The following FAT1 variants were observed in gnomAD, a reference collection of about 807,000 sequenced individuals.
FAT1 encodes FAT atypical cadherin 1.
FAT1 carries 171 observed loss-of-function variants against 329.8 expected under a neutral mutation model. The observed-to-expected ratio is 0.52, with a 90% CI of 0.46 to 0.59. FAT1 has a LOEUF of 0.59. Ranked by LOEUF, FAT1 falls within the 20% of genes least tolerant of loss-of-function variation. The pLI is 0.00. For missense variants in FAT1, 5,672 were observed against 5,774.4 expected (o/e 0.98, Z 0.57); for synonymous variants, 2,233 against 2,228.6 (o/e 1.00, Z -0.06).
At position 186,709,444 on chromosome 4, in the gene FAT1, A is replaced by G. The variant is rs1744838025; in HGVS notation, c.384T>C (p.Asn128=). The G allele has an allele frequency of 3.1e-6, 5 of 1,613,882 alleles. No individual in the cohort carries two copies. The highest frequency in any genetic ancestry group is 1.7e-4 in the Middle Eastern group (1 of 6,060). Residue 128 remains asparagine (N), a synonymous_variant, in exon 2 of 27, where the codon AAT becomes AAC. Coordinates refer to ENST00000441802, the MANE Select transcript of FAT1 (RefSeq NM_005245.4). ...CCCTGACCTTTGTTCGCGCCTCCAC[A>G]TTAGTATTTTTTTCAAGTGCTTTCA... ...LIVKALEKNT[N]VEARTKVRVQ...
At chr4:186,716,645 T>C (rs1221854305) in intron 1 of FAT1, among the ~76,000 whole-genome samples, 1 of 152,212 alleles carries the variant, frequency 6.6e-6, no homozygotes, top group Non-Finnish European at 1.5e-5. Context: ...CTCGAACTCC[T>C]GAGCTCAACT....
At chr4:186,652,108 G>C (rs1158203504) in intron 3 of FAT1, among the ~76,000 whole-genome samples, 1 of 152,200 alleles carries the variant, frequency 6.6e-6, no homozygotes, top group Non-Finnish European at 1.5e-5. Context: ...CCATACCCTA[G>C]TCTTCAGACG....
At position 186,709,413 on chromosome 4, in the gene FAT1, C is replaced by G. The variant is rs2126704013; in HGVS notation, c.415G>C (p.Val139Leu). 6.2e-7 allele frequency: 1 copy of G among 1,613,902 alleles called. No homozygotes were observed. Among genetic ancestry groups the G allele is most frequent in the Non-Finnish European group, 8.5e-7 (1 of 1,179,884 alleles). ...VEARTKVRVQ[V>L]LDTNDLRPLF... ...GGTCTCAAGTCATTTGTATCCAGCA[C>G]CTGCACCCTGACCTTTGTTCGCGCC... Residue 139 changes from valine (V) to leucine (L), a missense_variant, in exon 2 of 27, where the codon GTG becomes CTG. Val to Leu is a conservative substitution (Grantham distance 32). Transcript: ENST00000441802.
At chr4:186,700,206 AC>A (rs1744238416) in intron 2 of FAT1, among the ~76,000 whole-genome samples, 1 of 152,180 alleles carries the variant, frequency 6.6e-6, no homozygotes, top group South Asian at 2.1e-4. Context: ...GAAAGCTGGG[AC>A]CTAACCACCA....
In FAT1 at chr4:186,619,719, C is replaced by T. The variant is rs765727306; in HGVS notation, c.6867G>A (p.Ala2289=). ...TTACAGATGCCTCAGACAGGGTCACCGCATAAGACTGCTGAGCAAACACAG... is the reference window on the plus strand; with the variant it reads ...TTACAGATGCCTCAGACAGGGTCACTGCATAAGACTGCTGAGCAAACACAG... ...NPPVFAQQSY[A]VTLSEASVIG... Residue 2289 remains alanine, a synonymous_variant, in exon 10 of 27, where the codon GCG becomes GCA. Transcript: ENST00000441802. 1.1e-5 allele frequency: 17 copies of T among 1,613,792 alleles called. No homozygotes were observed. The highest frequency in any genetic ancestry group is 3.3e-5 in the South Asian group (3 of 91,068).
chr4:186,680,930 CAAT>C (rs1274047981), intron 2 of FAT1, among the ~76,000 whole-genome samples: 1 of 152,168 alleles, frequency 6.6e-6, no homozygotes, highest in Non-Finnish European at 1.5e-5. Flanking sequence ...AAGCAAAAGT[CAAT>C]GATACTATCT....
rs368776303 is a variant in FAT1, at chr4:186,639,774, G to A, written c.3590C>T (p.Thr1197Ile). 10 of 1,612,082 alleles carry A rather than the reference G, an allele frequency of 6.2e-6. No individual in the cohort carries two copies. Among genetic ancestry groups the A allele is most frequent in the African/African-American group, 1.3e-5 (1 of 74,786 alleles). Residue 1197 changes from threonine to isoleucine, a missense_variant, in exon 4 of 27, where the codon ACA (threonine) becomes ATA (isoleucine). Coordinates refer to ENST00000441802, the MANE Select transcript of FAT1 (RefSeq NM_005245.4). Reference protein sequence around the residue: ...FSIHPKTGLITTTSRKLDREQ... With the variant: ...FSIHPKTGLIITTSRKLDREQ... Reference sequence around the variant, plus strand: ...TCGGTCTAGCTTCCTTGACGTAGTTGTGATGAGACCTGTAAAATGATAACA... The same window carrying A: ...TCGGTCTAGCTTCCTTGACGTAGTTATGATGAGACCTGTAAAATGATAACA...
chr4:186,701,288 C>CAT (rs1197786410), intron 2 of FAT1, among the ~76,000 whole-genome samples: 1 of 152,108 alleles, frequency 6.6e-6, no homozygotes, highest in African/African-American at 2.4e-5. Context: ...CTCAGAATCA[C>CAT]ACACACACAA....
intron 2 of FAT1, among the ~76,000 whole-genome samples, chr4:186,686,239 C>CCG (rs11408384): frequency 6.9e-5 from 2 of 28,870 alleles, no homozygotes; most frequent in East Asian, 3.6e-4. Flanking sequence ...AGAATTTTCA[C>CCG]CCCCCCCCGA....
At position 186,636,054 on chromosome 4, in the gene FAT1, G is replaced by A; in HGVS notation, c.4154C>T (p.Pro1385Leu). The change falls in exon 6 of 27, where the codon CCT becomes CTT. Residue 1385 changes from proline (P) to leucine (L), a missense_variant. Coordinates refer to ENST00000441802, the MANE Select transcript of FAT1 (RefSeq NM_005245.4). ...HMIGVISVEPPGIPLWFDITG... is the reference protein window; with the variant it reads ...HMIGVISVEPLGIPLWFDITG... ...GATGTCAAACCAAAGGGGTATGCCAGGAGGCTCCACAGATATTACTCCAAT... is the reference window on the plus strand; with the variant it reads ...GATGTCAAACCAAAGGGGTATGCCAAGAGGCTCCACAGATATTACTCCAAT... 1 of 1,613,980 alleles carries A rather than the reference G, an allele frequency of 6.2e-7. No individual in the cohort carries two copies.
chr4:186,650,163 G>A (rs1248983546), intron 3 of FAT1, among the ~76,000 whole-genome samples: 2 of 152,212 alleles, frequency 1.3e-5, no homozygotes, highest in Non-Finnish European at 2.9e-5. Flanking sequence ...TCCCTCAGGA[G>A]GAGGAGAGAG....
intron 19 of FAT1, 33 bp downstream of exon 19, chr4:186,603,143 T>C (rs1468194262): frequency 6.2e-7 from 1 of 1,609,352 alleles, no homozygotes; most frequent in African/African-American, 1.3e-5. Flanking sequence ...AAACCATCTG[T>C]GACACCGACT....
intron 2 of FAT1, among the ~76,000 whole-genome samples, chr4:186,686,821 C>T (rs1218321864): frequency 6.6e-6 from 1 of 152,152 alleles, no homozygotes; most frequent in Admixed American, 6.5e-5. Flanking sequence ...ACACTATGGA[C>T]ACAGGTGAGT....
Position 186,601,279 on chromosome 4 carries a change from CTA to C in FAT1, c.11628_11629del (p.Tyr3876Ter). On this transcript the variant is annotated stop_gained and frameshift_variant, in exon 21 of 27. Coordinates refer to ENST00000441802, the MANE Select transcript of FAT1 (RefSeq NM_005245.4). LOFTEE classifies it high-confidence loss of function. ...TGTGGAGAAACATACCTCCAAGATG[CTA>C]TAGTCAGTTCCTCGAGCATACATGA... 6.3e-7 allele frequency: 1 copy of C among 1,594,400 alleles called. No individual in the cohort carries two copies. The highest frequency in any genetic ancestry group is 8.6e-7 in the Non-Finnish European group (1 of 1,164,764).
chr4:186,592,293 G>C (rs1193456405), intron 26 of FAT1, among the ~76,000 whole-genome samples: 1 of 152,098 alleles, frequency 6.6e-6, no homozygotes, highest in Non-Finnish European at 1.5e-5. Context: ...ATCATACTCA[G>C]GGAAAAACCA....
chr4:186,663,837 G>A (rs1199637694), intron 2 of FAT1, among the ~76,000 whole-genome samples: 1 of 152,070 alleles, frequency 6.6e-6, no homozygotes. Flanking sequence ...TAGAACACTT[G>A]GCACATAATA....
chr4:186,597,589 A>C (rs1319845799), intron 24 of FAT1, 93 bp downstream of exon 24: 15 of 812,688 alleles, frequency 1.8e-5, no homozygotes, highest in Non-Finnish European at 2.9e-5. Flanking sequence ...ATCTGACATA[A>C]TGTAGTTCAA....
At chr4:186,672,672 C>T (rs1342713022) in intron 2 of FAT1, among the ~76,000 whole-genome samples, 11 of 152,218 alleles carry the variant, frequency 7.2e-5, no homozygotes, top group African/African-American at 2.7e-4. Flanking sequence ...TTATCATATC[C>T]TATTTCACAG....
chr4:186,670,188 C>A (rs1379773033), intron 2 of FAT1, among the ~76,000 whole-genome samples: 1 of 152,180 alleles, frequency 6.6e-6, no homozygotes, highest in African/African-American at 2.4e-5. Context: ...TTCTGACTCT[C>A]AGAAATACCT....
Sources: gnomAD v4.1 joint callset for allele counts (sites outside exome capture counted in the v4.1 genomes callset) on GRCh38, gnomAD v4.1.1 for gene constraint, MANE v1.5 for transcripts, NCBI Gene and HGNC (gene_info 2026-07-23, HGNC 2026-07-21) for gene names.